The following CDC42BPA variants were observed in gnomAD, a reference collection of about 807,000 sequenced individuals.
The protein encoded by CDC42BPA is serine/threonine-protein kinase MRCK alpha.
In CDC42BPA, 80 loss-of-function variants were observed where a neutral mutation model predicts 223.5. The observed-to-expected ratio is 0.36, with a 90% confidence interval of 0.30 to 0.43. The LOEUF (loss-of-function observed/expected upper bound fraction) is 0.43. CDC42BPA is among the 20% of genes least tolerant of loss of function. The pLI, the probability that CDC42BPA is intolerant of heterozygous loss-of-function variation, is 1.00. For missense variants in CDC42BPA, 1,743 were observed against 2,099.9 expected (o/e 0.83, Z 3.32); for synonymous variants, 694 against 718.6 (o/e 0.97, Z 0.55).
chr1:227,064,958 G>A lies in CDC42BPA; in HGVS notation c.2904+4819C>T, dbSNP rs908317920. ...TAAAAATACAAAAAATTAGCCGGGCGTGGTGGTGGGCACCTGTGGTCCCAG... is the reference window on the plus strand; with the variant it reads ...TAAAAATACAAAAAATTAGCCGGGCATGGTGGTGGGCACCTGTGGTCCCAG... On this transcript the variant is annotated intron_variant, in intron 21 of 36. Transcript: ENST00000366766. Among the ~76,000 whole-genome samples the A allele has an allele frequency of 7.2e-5, 11 of 152,098 alleles. No homozygotes were observed. The South Asian group carries it at 1.0e-3, about 14-fold the overall frequency.
At chr1:227,191,984 G>A (rs1350723659) in intron 5 of CDC42BPA, among the ~76,000 whole-genome samples, 2 of 143,422 alleles carry the variant, frequency 1.4e-5, no homozygotes, top group Non-Finnish European at 3.1e-5. Flanking sequence ...AAAAAAAACT[G>A]CATTGTACAA....
At chr1:227,196,581 C>A (rs573222728) in intron 4 of CDC42BPA, among the ~76,000 whole-genome samples, 1 of 151,952 alleles carries the variant, frequency 6.6e-6, no homozygotes, top group Non-Finnish European at 1.5e-5. Flanking sequence ...CCTCATGATC[C>A]GCCCGCCTTG....
chr1:227,175,947 A>G (rs1666884408), intron 5 of CDC42BPA, among the ~76,000 whole-genome samples: 1 of 152,150 alleles, frequency 6.6e-6, no homozygotes, highest in Non-Finnish European at 1.5e-5. Context: ...ACAGAGCTGT[A>G]TGTATGGTGT....
chr1:227,299,967 C>T (rs1464560199), intron 1 of CDC42BPA, among the ~76,000 whole-genome samples: 1 of 152,164 alleles, frequency 6.6e-6, no homozygotes, highest in Non-Finnish European at 1.5e-5. Context: ...AGAAAGCGGA[C>T]CAGTTTTCTC....
chr1:227,113,937 G>C (rs889413726), intron 12 of CDC42BPA, among the ~76,000 whole-genome samples: 1 of 149,802 alleles, frequency 6.7e-6, no homozygotes, highest in Non-Finnish European at 1.5e-5. Flanking sequence ...AAGATGACTT[G>C]AGCCTGGGAG....
At chr1:227,130,530 G>A (rs1656864865) in intron 10 of CDC42BPA, among the ~76,000 whole-genome samples, 1 of 152,002 alleles carries the variant, frequency 6.6e-6, no homozygotes, top group African/African-American at 2.4e-5. Flanking sequence ...TCTAAATTGG[G>A]GGTAGAAAAT....
At chr1:227,250,449 C>T (rs955357351) in intron 2 of CDC42BPA, among the ~76,000 whole-genome samples, 2 of 152,018 alleles carry the variant, frequency 1.3e-5, no homozygotes, top group Admixed American at 1.3e-4. Context: ...GATTGCACCA[C>T]TGCACTCCAG....
At chr1:227,068,678 A>G (rs1420513649) in intron 21 of CDC42BPA, 1 of 1,212,170 alleles carries the variant, frequency 8.2e-7, no homozygotes, top group Non-Finnish European at 1.1e-6. Context: ...CAATCAGTGA[A>G]GATGAGGAAG....
intron 8 of CDC42BPA, 133 bp from the exon 9 acceptor site, chr1:227,143,157 T>C: frequency 2.2e-6 from 1 of 464,732 alleles, no homozygotes; most frequent in Non-Finnish European, 3.7e-6. Context: ...ACTGGTAAGT[T>C]TGGTATAGTT....
At chr1:226,996,503 T>C (rs1661637042) in intron 35 of CDC42BPA, among the ~76,000 whole-genome samples, 1 of 104,706 alleles carries the variant, frequency 9.6e-6, no homozygotes, top group South Asian at 2.7e-4. Flanking sequence ...CAATACTATG[T>C]TGAATAGGAG....
chr1:227,223,745 A>AT lies in CDC42BPA; in HGVS notation c.271-10527dup, dbSNP rs201229295. Among the ~76,000 whole-genome samples, 1,248 of 152,290 alleles carry AT rather than the reference A, an allele frequency of 8.2e-3. 6 individuals are homozygous for AT. The highest frequency in any genetic ancestry group is 0.012 in the Non-Finnish European group (788 of 68,030). ...CCAACTTACAATAGTTCAACTGATGATTTTTCAATTTTTCAACTTTACAGA... is the reference window on the plus strand; with the variant it reads ...CCAACTTACAATAGTTCAACTGATGATTTTTTCAATTTTTCAACTTTACAGA... On this transcript the variant is annotated intron_variant, in intron 2 of 36. Transcript: ENST00000366766.
In CDC42BPA at chr1:226,993,564, C is replaced by T. The variant is rs891990771; in HGVS notation, c.*704G>A. 6.6e-6 allele frequency: 1 copy of T among 152,664 alleles called. No homozygotes were observed. The highest frequency in any genetic ancestry group is 1.5e-5 in the Non-Finnish European group (1 of 68,046). The allele number at this position is 152,664 out of a possible 1,614,324, so 9.5% of individuals were successfully genotyped here. The stretch of plus-strand genomic sequence containing the variant: ...AACTCTGATTTCTCTCGCTCTCTCT[C>T]TACAAATGTGAGCTTGAGGCCTTTC... On this transcript the variant is annotated 3_prime_UTR_variant, in exon 37 of 37. Coordinates refer to ENST00000366766, the MANE Select transcript of CDC42BPA (RefSeq NM_001394014.1).
rs141895289 is a variant in CDC42BPA, at chr1:227,147,380, G to A, written c.873C>T (p.Tyr291=). The part of the protein sequence containing the change: ...PFYAESLVET[Y]GKIMNHKERF... ...TAACTTTGTGGTTCATGATTTTTCC[G>A]TATGTCTCCACCAGCGATTCTGCAT... The change falls in exon 7 of 37, where the codon TAC becomes TAT. Residue 291 remains tyrosine (Y), a synonymous_variant. Transcript: ENST00000366766. 23 of 1,610,178 alleles carry A rather than the reference G, an allele frequency of 1.4e-5. No individual in the cohort carries two copies. The East Asian group carries it at 2.5e-4, about 17-fold the overall frequency.
At chr1:227,075,477 A>C (rs1679274471) in intron 17 of CDC42BPA, among the ~76,000 whole-genome samples, 1 of 152,172 alleles carries the variant, frequency 6.6e-6, no homozygotes, top group Admixed American at 6.5e-5. Flanking sequence ...TTGGAGTATA[A>C]GCAAAAGAAA....
intron 6 of CDC42BPA, among the ~76,000 whole-genome samples, chr1:227,148,571 CCTGT>C (rs943829305): frequency 1.3e-5 from 2 of 151,232 alleles, no homozygotes; most frequent in African/African-American, 4.9e-5. Context: ...AGACAAACAC[CCTGT>C]CTAACACAGT....
chr1:227,035,326 T>C (rs1437491672), intron 25 of CDC42BPA, 145 bp downstream of exon 25: 1 of 611,172 alleles, frequency 1.6e-6, no homozygotes, highest in Non-Finnish European at 2.7e-6. Flanking sequence ...TTGCAAATCA[T>C]TATTCTAGAT....
rs186358146 is a variant in CDC42BPA, at chr1:227,123,807, A to T, written c.1514-3870T>A. Among the ~76,000 whole-genome samples, 700 of 152,220 alleles carry T rather than the reference A, an allele frequency of 4.6e-3. 4 individuals are homozygous for T. Among genetic ancestry groups the T allele is most frequent in the African/African-American group, 0.016 (671 of 41,544 alleles). The stretch of plus-strand genomic sequence containing the variant: ...ATAATCAGTAAAAATAGGCTCCTTT[A>T]TTATCAATGCCCCTATTCACAGGAG... On this transcript the variant is annotated intron_variant, in intron 11 of 36. Coordinates refer to ENST00000366766, the MANE Select transcript of CDC42BPA (RefSeq NM_001394014.1).
At chr1:227,087,993 G>A (rs1268531740) in intron 16 of CDC42BPA, among the ~76,000 whole-genome samples, 1 of 152,172 alleles carries the variant, frequency 6.6e-6, no homozygotes, top group African/African-American at 2.4e-5. Context: ...GGAGGAAAAT[G>A]CAAACTCTGC....
intron 2 of CDC42BPA, among the ~76,000 whole-genome samples, chr1:227,244,415 A>G (rs1223577103): frequency 2.0e-5 from 3 of 152,018 alleles, no homozygotes; most frequent in Non-Finnish European, 4.4e-5. Flanking sequence ...TTCCATTAAC[A>G]TAAAACTCAA....
Sources: gnomAD v4.1 joint callset for allele counts (sites outside exome capture counted in the v4.1 genomes callset) on GRCh38, gnomAD v4.1.1 for gene constraint, MANE v1.5 for transcripts, NCBI Gene and HGNC (gene_info 2026-07-23, HGNC 2026-07-21) for gene names.